The following ASH1L variants were observed in gnomAD, a reference collection of about 807,000 sequenced individuals.
ASH1L encodes the protein ASH1 like histone lysine methyltransferase.
A neutral mutation model predicts 269.0 loss-of-function variants in ASH1L; 23 were observed. That is an observed-to-expected ratio of 0.09 (90% CI 0.06 to 0.12). The LOEUF (loss-of-function observed/expected upper bound fraction) is 0.12, where lower values mean the gene tolerates loss of function less well. Ranked by LOEUF, ASH1L falls within the 10% of genes least tolerant of loss-of-function variation. The probability of loss-of-function intolerance (pLI) is 1.00; values close to 1 mark genes in which losing one functional copy is unlikely to be tolerated. For synonymous variants in ASH1L, 1,187 were observed against 1,253.5 expected (o/e 0.95, Z 1.12); for missense variants, 2,912 against 3,567.8 (o/e 0.82, Z 4.68).
intron 2 of ASH1L, among the ~76,000 whole-genome samples, chr1:155,510,374 A>C (rs1668089518): frequency 7.0e-6 from 1 of 142,920 alleles, no homozygotes; most frequent in Non-Finnish European, 1.5e-5. Flanking sequence ...AGATCGCACC[A>C]CTGCACTCAA....
At position 155,477,977 on chromosome 1, in the gene ASH1L, A is replaced by G. The variant is rs1415798474; in HGVS notation, c.4893T>C (p.Pro1631=). Residue 1631 remains proline (P), a synonymous_variant, in exon 3 of 28, where the codon CCT becomes CCC. Transcript: ENST00000392403. ...AAGTGTCCTGTGCAGAAAAGAGTCC[A>G]GGGCTGTCAGTTAATTTCTTCCGGC... is the stretch of plus-strand genomic sequence containing the variant. The part of the protein sequence containing the change: ...SSGRKKLTDS[P]GLFSAQDTSL... The G allele has an allele frequency of 2.5e-6, 4 of 1,614,110 alleles. No homozygotes were observed. In the African/African-American group the frequency reaches 5.3e-5, roughly 22 times the overall value.
chr1:155,369,470 T>C (rs1160666545), intron 12 of ASH1L, among the ~76,000 whole-genome samples: 1 of 152,022 alleles, frequency 6.6e-6, no homozygotes. Context: ...AGTCTATGTA[T>C]TTCTCTGTAT....
rs146912209 is a variant in ASH1L, at chr1:155,538,080, T to C, written c.-99-16462A>G. Reference sequence around the variant, plus strand: ...CACTCTGTCACCCAGGCTGGAGTGCTGTGGCACCATCTTGGCTCACTGCAA... The same window carrying C: ...CACTCTGTCACCCAGGCTGGAGTGCCGTGGCACCATCTTGGCTCACTGCAA... On this transcript the variant is annotated intron_variant, in intron 1 of 27. Transcript: ENST00000392403. Among the ~76,000 whole-genome samples the C allele has an allele frequency of 7.8e-3, 1,150 of 148,070 alleles. 19 individuals are homozygous for C. The highest frequency in any genetic ancestry group is 0.027 in the African/African-American group (1,091 of 40,162).
At chr1:155,527,082 C>T (rs1669313264) in intron 1 of ASH1L, among the ~76,000 whole-genome samples, 1 of 152,110 alleles carries the variant, frequency 6.6e-6, no homozygotes. Context: ...GTGGCGCATG[C>T]CTGTAATCCC....
chr1:155,479,786 T>A lies in ASH1L; in HGVS notation c.3084A>T (p.Thr1028=). ...LHNTVSSLAA[T]FGSKLGQQIN... The stretch of plus-strand genomic sequence containing the variant: ...TCTGTTGGCCCAATTTAGAGCCAAA[T>A]GTGGCAGCAAGACTTGATACCGTAT... The change falls in exon 3 of 28, where the codon ACA becomes ACT. Residue 1028 remains threonine, a synonymous_variant. Coordinates refer to ENST00000392403, the MANE Select transcript of ASH1L (RefSeq NM_018489.3). 6.2e-7 allele frequency: 1 copy of A among 1,614,206 alleles called. No individual in the cohort carries two copies. Among genetic ancestry groups the A allele is most frequent in the Non-Finnish European group, 8.5e-7 (1 of 1,180,022 alleles).
intron 2 of ASH1L, among the ~76,000 whole-genome samples, chr1:155,518,923 A>C (rs1668681158): frequency 6.6e-6 from 1 of 152,192 alleles, no homozygotes. Flanking sequence ...TGCTGATGGG[A>C]TATGAAACAG....
chr1:155,341,982 G>A lies in ASH1L; in HGVS notation c.8414C>T (p.Ala2805Val), dbSNP rs754910117. Residue 2805 changes from alanine (A) to valine (V), a missense_variant, in exon 25 of 28, where the codon GCT (alanine) becomes GTT (valine). Physicochemically the swap from Ala to Val is moderately conservative, Grantham distance 64 (BLOSUM62 0). This residue lies in a region of ASH1L where 179 missense variants were observed against 293.8 expected (regional missense o/e 0.61). Coordinates refer to ENST00000392403, the MANE Select transcript of ASH1L (RefSeq NM_018489.3). ...GAGCTTCTTGGGGAAGTGATCAAAA[G>A]CATAGGGTTTGGTGCAGACAGGATA... is the stretch of plus-strand genomic sequence containing the variant. ...NRYPVCTKPYAFDHFPKKLTP... is the reference protein window; with the variant it reads ...NRYPVCTKPYVFDHFPKKLTP... 1.6e-5 allele frequency: 26 copies of A among 1,614,000 alleles called. No homozygotes were observed. Among genetic ancestry groups the A allele is most frequent in the Non-Finnish European group, 2.2e-5 (26 of 1,180,026 alleles).
intron 2 of ASH1L, among the ~76,000 whole-genome samples, chr1:155,507,645 G>T (rs556509287): frequency 6.6e-6 from 1 of 152,346 alleles, no homozygotes; most frequent in South Asian, 2.1e-4. Context: ...GACAAGGCAG[G>T]AGGATCGATT....
At chr1:155,368,676 T>G (rs1655657262) in intron 12 of ASH1L, among the ~76,000 whole-genome samples, 1 of 151,908 alleles carries the variant, frequency 6.6e-6, no homozygotes, top group Admixed American at 6.6e-5. Flanking sequence ...AGGCTGGTCT[T>G]GAACTCCTGA....
chr1:155,516,084 AC>A (rs1425108093), intron 2 of ASH1L, among the ~76,000 whole-genome samples: 2 of 152,062 alleles, frequency 1.3e-5, no homozygotes, highest in Non-Finnish European at 2.9e-5. Flanking sequence ...AGTACCAGCA[AC>A]TACTACTTTC....
intron 4 of ASH1L, among the ~76,000 whole-genome samples, chr1:155,446,034 A>AC (rs1441412793): frequency 3.0e-5 from 4 of 133,632 alleles, no homozygotes; most frequent in Non-Finnish European, 6.4e-5. Flanking sequence ...CCTACACTGT[A>AC]CTTTTTTTTT....
chr1:155,461,891 C>T (rs1192540214), intron 3 of ASH1L, among the ~76,000 whole-genome samples: 5 of 151,470 alleles, frequency 3.3e-5, no homozygotes, highest in South Asian at 2.1e-4. Context: ...CTCTGCCTCC[C>T]GGGTTCAAGT....
intron 1 of ASH1L, among the ~76,000 whole-genome samples, chr1:155,541,421 C>T (rs1670420502): frequency 6.6e-6 from 1 of 151,632 alleles, no homozygotes; most frequent in Non-Finnish European, 1.5e-5. Flanking sequence ...AAAGAGTAAC[C>T]CATGCCCTAA....
At chr1:155,496,093 T>C (rs531226890) in intron 2 of ASH1L, among the ~76,000 whole-genome samples, 2 of 152,390 alleles carry the variant, frequency 1.3e-5, no homozygotes, top group East Asian at 3.8e-4. Context: ...CTGACTCTTT[T>C]GTAGTAACAG....
intron 1 of ASH1L, among the ~76,000 whole-genome samples, chr1:155,546,199 C>T (rs1178500269): frequency 1.4e-5 from 2 of 145,388 alleles, no homozygotes; most frequent in South Asian, 2.2e-4. Flanking sequence ...GGTGTGGTGG[C>T]ATGCACCTGT....
intron 6 of ASH1L, among the ~76,000 whole-genome samples, chr1:155,406,439 T>G (rs1659300262): frequency 6.6e-6 from 1 of 152,192 alleles, no homozygotes. Flanking sequence ...GAGCAGTGGC[T>G]CACGCCTATA....
Position 155,349,580 on chromosome 1 carries a change from T to A in ASH1L, c.7383A>T (p.Ala2461=). Residue 2461 remains alanine (A), a synonymous_variant, in exon 18 of 28, where the codon GCA becomes GCT. Transcript: ENST00000392403. ...GAAGGTTCAAAAGTGGAGCTGCCAG[T>A]GCTTGCCGGGAAGAATCTGCAAAAG... ...IISYKDSSRQ[A]LAAPLLNLPP... is the part of the protein sequence containing the mutation. The A allele has an allele frequency of 6.2e-7, 1 of 1,614,004 alleles. No individual in the cohort carries two copies. The highest frequency in any genetic ancestry group is 8.5e-7 in the Non-Finnish European group (1 of 1,179,968).
At chr1:155,427,873 C>T (rs1482731006) in intron 5 of ASH1L, among the ~76,000 whole-genome samples, 1 of 152,134 alleles carries the variant, frequency 6.6e-6, no homozygotes, top group South Asian at 2.1e-4. Context: ...CACCATCCCC[C>T]GATGCTGTCG....
intron 2 of ASH1L, among the ~76,000 whole-genome samples, chr1:155,488,340 A>G: frequency 6.6e-6 from 1 of 151,868 alleles, no homozygotes; most frequent in East Asian, 1.9e-4. Flanking sequence ...TCCTGATACT[A>G]TATAAAATAA....
Sources: gnomAD v4.1 joint callset for allele counts (sites outside exome capture counted in the v4.1 genomes callset) on GRCh38, gnomAD v4.1.1 for gene constraint, gnomAD v4.1.1 regional missense constraint, MANE v1.5 for transcripts, NCBI Gene and HGNC (gene_info 2026-07-23, HGNC 2026-07-21) for gene names.